ST6GAL2: variants seen among roughly 807,000 people sequenced by gnomAD.
The protein encoded by ST6GAL2 is beta-galactoside alpha-2,6-sialyltransferase 2.
In ST6GAL2, 24 loss-of-function variants were observed where a neutral mutation model predicts 37.5. That is an observed-to-expected ratio of 0.64 (90% confidence interval 0.46 to 0.90). ST6GAL2 has a LOEUF of 0.90. Ranked by LOEUF, ST6GAL2 falls within the 40% of genes least tolerant of loss-of-function variation. The probability of loss-of-function intolerance (pLI) is 0.00; values close to 1 mark genes in which losing one functional copy is unlikely to be tolerated. For synonymous variants in ST6GAL2, 306 were observed against 295.1 expected, an observed-to-expected ratio of 1.04 and a Z score of -0.38; for missense variants, 715 against 712.7, an observed-to-expected ratio of 1.00 and a Z score of -0.04.
At position 106,832,568 on chromosome 2, in the gene ST6GAL2, G is replaced by A; in HGVS notation, c.1140C>T (p.Asn380=). 6.4e-7 allele frequency: 1 copy of A among 1,563,016 alleles called. No individual in the cohort carries two copies. The highest frequency in any genetic ancestry group is 8.7e-7 in the Non-Finnish European group (1 of 1,148,486). ...GCAAATCCAGGGAAACACTTACCAG[G>A]TTAAGATTTGCGGAATATGGGGCAG... ...WDPAPYSANL[N]LWYKKPDYNL... is the part of the protein sequence containing the mutation. The change falls in exon 4 of 6, where the codon AAC becomes AAT. Residue 380 remains asparagine (N), a synonymous_variant. Coordinates refer to ENST00000409382, the MANE Select transcript of ST6GAL2 (RefSeq NM_001142351.2).
At chr2:106,855,662 T>C (rs1677546338) in intron 1 of ST6GAL2, among the ~76,000 whole-genome samples, 1 of 152,196 alleles carries the variant, frequency 6.6e-6, no homozygotes. Context: ...CATAAACTCT[T>C]ATTATATTAG....
chr2:106,869,160 A>G (rs1678157520), intron 1 of ST6GAL2, among the ~76,000 whole-genome samples: 1 of 152,112 alleles, frequency 6.6e-6, no homozygotes, highest in South Asian at 2.1e-4. Flanking sequence ...AATATTCCAC[A>G]AGTACAAGAC....
intron 1 of ST6GAL2, among the ~76,000 whole-genome samples, chr2:106,874,045 T>C (rs11687503): frequency 0.69 from 104,756 of 152,092 alleles, 36,459 homozygotes; most frequent in Non-Finnish European, 0.75. Context: ...TCCATCCATT[T>C]GACATAGATT....
chr2:106,820,891 G>A (rs1675978781), intron 5 of ST6GAL2, among the ~76,000 whole-genome samples: 2 of 151,958 alleles, frequency 1.3e-5, no homozygotes, highest in South Asian at 2.1e-4. Flanking sequence ...GTATGTTCCT[G>A]AATGACCAGT....
intron 1 of ST6GAL2, among the ~76,000 whole-genome samples, chr2:106,877,852 A>T (rs1313299297): frequency 1.3e-5 from 2 of 152,238 alleles, no homozygotes; most frequent in Non-Finnish European, 2.9e-5. Flanking sequence ...CAAACCAATC[A>T]ATATGGGTAT....
intron 1 of ST6GAL2, among the ~76,000 whole-genome samples, chr2:106,866,723 G>C (rs1297089745): frequency 1.3e-5 from 2 of 152,300 alleles, no homozygotes; most frequent in East Asian, 1.9e-4. Context: ...TGGTGACACA[G>C]AAGGAAATCC....
intron 1 of ST6GAL2, among the ~76,000 whole-genome samples, chr2:106,867,144 T>C (rs1041662620): frequency 2.0e-5 from 3 of 152,140 alleles, no homozygotes; most frequent in African/African-American, 4.8e-5. Flanking sequence ...TTCTTTCCTG[T>C]TTTTTGAATA....
At chr2:106,832,506 T>A in intron 4 of ST6GAL2, 59 bp downstream of exon 4, 1 of 865,560 alleles carries the variant, frequency 1.2e-6, no homozygotes, top group Non-Finnish European at 1.8e-6. Context: ...GCTCTTATGA[T>A]TAATTAGTCA....
intron 1 of ST6GAL2, among the ~76,000 whole-genome samples, chr2:106,846,211 G>A (rs1362164760): frequency 6.6e-6 from 1 of 152,198 alleles, no homozygotes; most frequent in East Asian, 1.9e-4. Context: ...TCAGTCAACG[G>A]TGAGTGATAA....
rs141761472 is a variant in ST6GAL2 at position 106,853,645 on chromosome 2, G to A, written c.-57-9611C>T. On this transcript the variant is annotated intron_variant, in intron 1 of 5. Coordinates refer to ENST00000409382, the MANE Select transcript of ST6GAL2 (RefSeq NM_001142351.2). ...ACTCATGTGAGCTGGGGCTGGACAA[G>A]GGTGAGCTGCTCTTAGAAGATGATA... is the stretch of plus-strand genomic sequence containing the variant. 3.3e-5 allele frequency among the ~76,000 whole-genome samples: 5 copies of A among 152,326 alleles called. No homozygotes were observed. In the South Asian group the frequency reaches 6.2e-4, roughly 19 times the overall value.
Position 106,801,728 on chromosome 2 carries a change from G to A in ST6GAL2, c.*4950C>T, listed in dbSNP as rs1228733529. On this transcript the variant is annotated 3_prime_UTR_variant, in exon 6 of 6. Coordinates refer to ENST00000409382, the MANE Select transcript of ST6GAL2 (RefSeq NM_001142351.2). ...ATGTGTACAAACACTTTTAAAATGC[G>A]ACTCCTGGAAAACTTCAAGCTTTAA... 4 of 152,140 alleles carry A rather than the reference G, an allele frequency of 2.6e-5. No individual in the cohort carries two copies. Among genetic ancestry groups the A allele is most frequent in the African/African-American group, 4.8e-5 (2 of 41,446 alleles). 9.4% of individuals were successfully genotyped at this position (152,140 alleles called of 1,614,324 possible).
intron 1 of ST6GAL2, among the ~76,000 whole-genome samples, chr2:106,868,019 C>T (rs889377733): frequency 1.3e-4 from 20 of 152,166 alleles, no homozygotes; most frequent in African/African-American, 4.8e-4. Context: ...AAACCCTATG[C>T]CACTTACGCT....
At chr2:106,876,369 T>C (rs1199622105) in intron 1 of ST6GAL2, among the ~76,000 whole-genome samples, 1 of 152,242 alleles carries the variant, frequency 6.6e-6, no homozygotes, top group African/African-American at 2.4e-5. Context: ...CTGGGGTTTT[T>C]ATAACAAAAT....
At chr2:106,811,919 G>A (rs1467599860) in intron 5 of ST6GAL2, among the ~76,000 whole-genome samples, 3 of 152,134 alleles carry the variant, frequency 2.0e-5, no homozygotes, top group Non-Finnish European at 4.4e-5. Context: ...AAGTCCAGGG[G>A]AACCAGGTGC....
At chr2:106,808,511 T>G (rs961692159) in intron 5 of ST6GAL2, among the ~76,000 whole-genome samples, 3 of 152,326 alleles carry the variant, frequency 2.0e-5, no homozygotes, top group Admixed American at 6.5e-5. Flanking sequence ...CCCAGGTCCC[T>G]CTACCAGTTT....
chr2:106,819,540 T>G (rs1675924092), intron 5 of ST6GAL2, among the ~76,000 whole-genome samples: 1 of 151,790 alleles, frequency 6.6e-6, no homozygotes, highest in South Asian at 2.1e-4. Context: ...AAAGGAGAAA[T>G]GAAGACTTTC....
rs1677000986 is a variant in ST6GAL2, at chr2:106,843,453, C to T, written c.525G>A (p.Lys175=). The T allele has an allele frequency of 6.2e-7, 1 of 1,614,140 alleles. No individual in the cohort carries two copies. Among genetic ancestry groups the T allele is most frequent in the Non-Finnish European group, 8.5e-7 (1 of 1,180,024 alleles). Residue 175 remains lysine, a synonymous_variant, in exon 2 of 6, where the codon AAG becomes AAA. Coordinates refer to ENST00000409382, the MANE Select transcript of ST6GAL2 (RefSeq NM_001142351.2). ...GGCTCCTTCTCTGCCTCCGGTGCCT[C>T]TTCTTCACCCGCCTCCTCTGGACCT... ...AAQVQRRRVK[K]RHRRQRRSHV...
chr2:106,863,711 T>TA (rs937605999), intron 1 of ST6GAL2, among the ~76,000 whole-genome samples: 1 of 152,054 alleles, frequency 6.6e-6, no homozygotes. Context: ...CTCCCAACTG[T>TA]AAAATAAGAA....
chr2:106,883,762 A>G (rs1678845937), intron 1 of ST6GAL2, among the ~76,000 whole-genome samples: 1 of 152,076 alleles, frequency 6.6e-6, no homozygotes, highest in Non-Finnish European at 1.5e-5. Flanking sequence ...AAAAAACTCA[A>G]TCAATCAGGA....
Sources: allele counts gnomAD v4.1 joint callset (sites outside exome capture counted in the v4.1 genomes callset), GRCh38; gene constraint gnomAD v4.1.1; transcripts MANE v1.5; gene names NCBI Gene and HGNC (gene_info 2026-07-23, HGNC 2026-07-21).